The following DLGAP4 variants were observed in gnomAD, a reference collection of about 807,000 sequenced individuals.
The protein encoded by DLGAP4 is disks large-associated protein 4.
Under a neutral mutation model 86.9 loss-of-function variants are expected in DLGAP4, and 18 were observed. The ratio of observed to expected loss-of-function variants is 0.21; its 90% CI spans 0.14 to 0.31. The LOEUF is 0.31. Among genes scored for constraint, DLGAP4 ranks in the 10% least tolerant of loss-of-function variants. The probability of loss-of-function intolerance (pLI) is 1.00; values close to 1 mark genes in which losing one functional copy is unlikely to be tolerated. For synonymous variants in DLGAP4, 548 were observed against 574.3 expected (o/e 0.95, Z 0.65); for missense variants, 1,085 against 1,362.6 (o/e 0.80, Z 3.21).
chr20:36,519,378 G>C (rs536290076), intron 10 of DLGAP4, among the ~76,000 whole-genome samples: 111 of 152,134 alleles, frequency 7.3e-4, no homozygotes, highest in Non-Finnish European at 1.2e-3. Flanking sequence ...TTTAGCAAAT[G>C]TTCCATGTGT....
At chr20:36,464,620 C>T (rs1333234441) in intron 7 of DLGAP4, among the ~76,000 whole-genome samples, 2 of 152,022 alleles carry the variant, frequency 1.3e-5, no homozygotes, top group African/African-American at 2.4e-5. Context: ...GAGGCCGAGG[C>T]GGGCAGATCA....
rs959747184 is a variant in DLGAP4 at position 36,485,367 on chromosome 20, A to G, written c.1649-11338A>G. On this transcript the variant is annotated intron_variant, in intron 7 of 12. Coordinates refer to ENST00000339266, the MANE Select transcript of DLGAP4 (RefSeq NM_001365621.2). Reference sequence around the variant, plus strand: ...ACCCTGTCCCAAAAAAAAAAAAAAAAAACTGCTAGCTAATTTGAAATGTAT... The same window carrying G: ...ACCCTGTCCCAAAAAAAAAAAAAAAGAACTGCTAGCTAATTTGAAATGTAT... Among the ~76,000 whole-genome samples, 33 of 152,074 alleles carry G rather than the reference A, an allele frequency of 2.2e-4. 1 individual carries two copies. Among genetic ancestry groups the G allele is most frequent in the Admixed American group, 8.5e-4 (13 of 15,262 alleles).
At chr20:36,388,375 A>C (rs556696022) in intron 2 of DLGAP4, among the ~76,000 whole-genome samples, 1 of 152,208 alleles carries the variant, frequency 6.6e-6, no homozygotes, top group East Asian at 1.9e-4. Context: ...CACTGAGCTG[A>C]AGTTGGCCTC....
chr20:36,487,042 C>T (rs373028537), intron 7 of DLGAP4, among the ~76,000 whole-genome samples: 2 of 152,076 alleles, frequency 1.3e-5, no homozygotes, highest in African/African-American at 2.4e-5. Context: ...ACGCAAAAGA[C>T]CAGGCCTGCT....
At chr20:36,404,841 C>T (rs924347819) in intron 2 of DLGAP4, among the ~76,000 whole-genome samples, 2 of 152,228 alleles carry the variant, frequency 1.3e-5, no homozygotes, top group Non-Finnish European at 2.9e-5. Context: ...GCCCACCAGT[C>T]CCATGGGGAC....
At position 36,500,111 on chromosome 20, in the gene DLGAP4, T is replaced by C; in HGVS notation, c.2100-88T>C. 1 of 1,401,742 alleles carries C rather than the reference T, an allele frequency of 7.1e-7. No homozygotes were observed. Among genetic ancestry groups the C allele is most frequent in the South Asian group, 1.4e-5 (1 of 69,674 alleles). The allele number at this position is 1,401,742 out of a possible 1,614,324, so 86.8% of individuals were successfully genotyped here. ...GATGCATCCGTTTCTCTGTCTCCCG[T>C]GTGTCCGGGTCAAGGCGGCCTCTGG... is the stretch of plus-strand genomic sequence containing the variant. On this transcript the variant is annotated intron_variant, in intron 9 of 12. Transcript: ENST00000339266. The surrounding 1 kb of genome is among the most constrained non-coding windows in gnomAD (Gnocchi z 4.6).
chr20:36,333,125 A>T (rs2065287000), intron 1 of DLGAP4, among the ~76,000 whole-genome samples: 2 of 152,066 alleles, frequency 1.3e-5, no homozygotes, highest in South Asian at 4.2e-4. Context: ...TGGTTTGAGA[A>T]GTTGTGGGGG....
chr20:36,453,719 G>A (rs2033800716), intron 7 of DLGAP4, among the ~76,000 whole-genome samples: 1 of 152,000 alleles, frequency 6.6e-6, no homozygotes, highest in Non-Finnish European at 1.5e-5. Context: ...GATCACCTGA[G>A]GTCAGGAGTT....
intron 1 of DLGAP4, among the ~76,000 whole-genome samples, chr20:36,339,873 T>A (rs550653917): frequency 6.6e-6 from 1 of 151,782 alleles, no homozygotes; most frequent in South Asian, 2.1e-4. Context: ...GGCGTTAAGG[T>A]GGGAATGGCA....
At chr20:36,420,838 T>C (rs1209022040) in intron 2 of DLGAP4, among the ~76,000 whole-genome samples, 1 of 152,110 alleles carries the variant, frequency 6.6e-6, no homozygotes, top group Non-Finnish European at 1.5e-5. Flanking sequence ...CCAGGCGTGG[T>C]GGCGCATGCC....
chr20:36,461,414 C>A, intron 7 of DLGAP4: 1 of 955,400 alleles, frequency 1.0e-6, no homozygotes, highest in East Asian at 1.2e-4. Flanking sequence ...ACGCGGGGGG[C>A]GGGGAGGGGC....
At chr20:36,330,250 G>A (rs1278648932) in intron 1 of DLGAP4, among the ~76,000 whole-genome samples, 2 of 152,198 alleles carry the variant, frequency 1.3e-5, no homozygotes, top group African/African-American at 2.4e-5. Flanking sequence ...CCAGGCCAGA[G>A]GAGGGTTTTG....
chr20:36,422,258 C>T (rs919656413), intron 2 of DLGAP4, among the ~76,000 whole-genome samples: 1 of 152,134 alleles, frequency 6.6e-6, no homozygotes, highest in African/African-American at 2.4e-5. Context: ...TCGGCCATTC[C>T]ACCTCACTTC....
chr20:36,427,016 C>CAA (rs746938748), intron 2 of DLGAP4, among the ~76,000 whole-genome samples: 6 of 134,128 alleles, frequency 4.5e-5, no homozygotes, highest in African/African-American at 1.4e-4. Flanking sequence ...CTGTCTGTAC[C>CAA]AAAAAAAAAA....
intron 7 of DLGAP4, among the ~76,000 whole-genome samples, chr20:36,484,803 A>G (rs1279473802): frequency 6.6e-6 from 1 of 152,270 alleles, no homozygotes; most frequent in Non-Finnish European, 1.5e-5. Flanking sequence ...CTGCTGCGGC[A>G]GTGATAGACT....
At position 36,500,991 on chromosome 20, in the gene DLGAP4, G is replaced by C. The variant is rs2036120086; in HGVS notation, c.2512+380G>C. Among the ~76,000 whole-genome samples the C allele has an allele frequency of 2.0e-5, 3 of 151,996 alleles. No individual in the cohort carries two copies. In the South Asian group the frequency reaches 6.2e-4, roughly 32 times the overall value. On this transcript the variant is annotated intron_variant, in intron 10 of 12. Coordinates refer to ENST00000339266, the MANE Select transcript of DLGAP4 (RefSeq NM_001365621.2). This position sits in a 1 kb window ranked among gnomAD's most constrained non-coding sequence, Gnocchi z 4.6. The stretch of plus-strand genomic sequence containing the variant: ...TGAGCATGTTGTAAGGATTGAATGT[G>C]GTCGTGCATGTGAAGGGCCTGATGA...
At chr20:36,325,406 A>G (rs782572810) in intron 1 of DLGAP4, among the ~76,000 whole-genome samples, 6 of 152,194 alleles carry the variant, frequency 3.9e-5, no homozygotes, top group Non-Finnish European at 7.3e-5. Context: ...ATGTTCCATG[A>G]AAAGAGTATG....
intron 10 of DLGAP4, among the ~76,000 whole-genome samples, chr20:36,505,290 G>A (rs995669104): frequency 1.3e-5 from 2 of 151,922 alleles, no homozygotes; most frequent in African/African-American, 4.8e-5. Flanking sequence ...CCTGGCTGAC[G>A]CACAAAGGTT....
intron 7 of DLGAP4, among the ~76,000 whole-genome samples, chr20:36,494,193 A>G (rs1269149722): frequency 1.3e-5 from 2 of 152,198 alleles, no homozygotes. Flanking sequence ...ACGAGTAGGA[A>G]GTGAGTGCTC....
Sources: gnomAD v4.1 joint callset for allele counts (sites outside exome capture counted in the v4.1 genomes callset) on GRCh38, gnomAD v4.1.1 for gene constraint, Gnocchi (gnomAD v3.1) non-coding constraint, MANE v1.5 for transcripts, NCBI Gene and HGNC (gene_info 2026-07-23, HGNC 2026-07-21) for gene names.